CD274: variants seen among roughly 807,000 people sequenced by gnomAD.
The protein encoded by CD274 is programmed cell death 1 ligand 1.
A neutral mutation model predicts 30.1 loss-of-function variants in CD274; 8 were observed. That is an observed-to-expected ratio of 0.27 (90% CI 0.16 to 0.48). CD274 has a LOEUF of 0.48. Among genes scored for constraint, CD274 ranks in the 20% least tolerant of loss-of-function variants. The pLI is 0.99. For synonymous variants in CD274, 152 were observed against 124.6 expected, an observed-to-expected ratio of 1.22 and a Z score of -1.46; for missense variants, 353 against 346.6, an observed-to-expected ratio of 1.02 and a Z score of -0.15.
intron 4 of CD274, among the ~76,000 whole-genome samples, chr9:5,464,324 T>C (rs796789604): frequency 1.3e-5 from 2 of 152,300 alleles, no homozygotes; most frequent in African/African-American, 4.8e-5. Flanking sequence ...GGGATTTTTT[T>C]TTAAATACCT....
chr9:5,457,503 A>G, intron 3 of CD274, 83 bp downstream of exon 3: 1 of 1,094,524 alleles, frequency 9.1e-7, no homozygotes, highest in Non-Finnish European at 1.3e-6. Context: ...TTGTAAGTCC[A>G]TACTTATTTT....
rs1243212672 is a variant in CD274 at position 5,456,165 on chromosome 9, G to C, written c.52G>C (p.Ala18Pro). Residue 18 changes from alanine to proline, a missense_variant and splice_region_variant, in exon 2 of 7, where the codon GCA becomes CCA. By Grantham distance (27) the Ala-to-Pro change is conservative. Transcript: ENST00000381577. ...CATGACCTACTGGCATTTGCTGAAC[G>C]GTAAGACACCAAATCCTTCCATTAG... Reference protein sequence around the residue: ...IFMTYWHLLNAFTVTVPKDLY... With the variant: ...IFMTYWHLLNPFTVTVPKDLY... The C allele has an allele frequency of 6.3e-7, 1 of 1,591,784 alleles. No individual in the cohort carries two copies. Among genetic ancestry groups the C allele is most frequent in the Non-Finnish European group, 8.6e-7 (1 of 1,160,384 alleles).
chr9:5,467,132 G>A (rs190617552), intron 6 of CD274, among the ~76,000 whole-genome samples: 1 of 152,178 alleles, frequency 6.6e-6, no homozygotes, highest in East Asian at 1.9e-4. Flanking sequence ...TTGTGTGTCA[G>A]TATTGTAATA....
rs1819560469 is a variant in CD274 at position 5,469,820 on chromosome 9, A to G, written c.*1958A>G. 1 of 233,060 alleles carries G rather than the reference A, an allele frequency of 4.3e-6. No individual in the cohort carries two copies. Among genetic ancestry groups the G allele is most frequent in the African/African-American group, 2.2e-5 (1 of 45,448 alleles). 14.4% of individuals were successfully genotyped at this position (233,060 alleles called of 1,614,324 possible). A position where few individuals can be genotyped will look rare whatever the true frequency, so the allele number is the denominator to read the frequency against. ...GGTGCACTGAGTCAATCTAGTCCTA[A>G]AAAGCAATCTTATTATTAACTCTGT... On this transcript the variant is annotated 3_prime_UTR_variant, in exon 7 of 7. Transcript: ENST00000381577.
chr9:5,463,683 G>A (rs1819447905), intron 4 of CD274, among the ~76,000 whole-genome samples: 1 of 151,692 alleles, frequency 6.6e-6, no homozygotes, highest in Non-Finnish European at 1.5e-5. Context: ...CTAGCAGTCT[G>A]CTTAGTGCAT....
chr9:5,458,286 A>G (rs779761876), intron 3 of CD274, among the ~76,000 whole-genome samples: 1 of 152,190 alleles, frequency 6.6e-6, no homozygotes, highest in Non-Finnish European at 1.5e-5. Flanking sequence ...AAACTCCCAC[A>G]AAGAACAAAA....
chr9:5,464,565 C>T (rs1411666173), intron 4 of CD274, among the ~76,000 whole-genome samples: 1 of 152,090 alleles, frequency 6.6e-6, no homozygotes, highest in Non-Finnish European at 1.5e-5. Context: ...ATGGGACCCC[C>T]TTTCCTCCTG....
In CD274 at chr9:5,470,470, CTTAT is replaced by C. The variant is rs2131239819; in HGVS notation, c.*2615_*2618del. On this transcript the variant is annotated 3_prime_UTR_variant, in exon 7 of 7. Coordinates refer to ENST00000381577, the MANE Select transcript of CD274 (RefSeq NM_014143.4). ...ACCTGCATTAATTTAATAAAATATT[CTTAT>C]TTATTTTGTTACTTGGTACACCAGC... The C allele has an allele frequency of 4.5e-6, 1 of 221,966 alleles. No individual in the cohort carries two copies. Among genetic ancestry groups the C allele is most frequent in the South Asian group, 1.8e-4 (1 of 5,420 alleles). The allele number at this position is 221,966 out of a possible 1,614,324, so 13.7% of individuals were successfully genotyped here.
intron 5 of CD274, 118 bp downstream of exon 5, chr9:5,465,724 G>C (rs1347878128): frequency 3.2e-6 from 2 of 625,984 alleles, no homozygotes; most frequent in Non-Finnish European, 5.8e-6. Flanking sequence ...GCATTCCACT[G>C]TTCAACAGCA....
intron 5 of CD274, 32 bp downstream of exon 5, chr9:5,465,638 T>G: frequency 7.7e-7 from 1 of 1,292,776 alleles, no homozygotes; most frequent in Non-Finnish European, 1.1e-6. Flanking sequence ...TGGTCTCCAC[T>G]GGGGGTGAGG....
chr9:5,466,665 C>T (rs1397919213), intron 5 of CD274, 105 bp from the exon 6 acceptor site: 13 of 813,230 alleles, frequency 1.6e-5, no homozygotes, highest in Non-Finnish European at 2.0e-5. Context: ...ACCAGACTTC[C>T]TAGGGATTAC....
chr9:5,459,642 C>T (rs1819369636), intron 3 of CD274, among the ~76,000 whole-genome samples: 1 of 152,218 alleles, frequency 6.6e-6, no homozygotes, highest in African/African-American at 2.4e-5. Context: ...TCAATTATCA[C>T]TATCACTTCG....
intron 4 of CD274, among the ~76,000 whole-genome samples, chr9:5,464,718 G>A (rs944962358): frequency 1.3e-5 from 2 of 152,206 alleles, no homozygotes; most frequent in Admixed American, 6.5e-5. Context: ...CTCCTTAGCA[G>A]TGCTGGTTGG....
At chr9:5,456,211 T>A (rs1266481153) in intron 2 of CD274, 46 bp downstream of exon 2, 9 of 1,258,448 alleles carry the variant, frequency 7.2e-6, no homozygotes, top group Non-Finnish European at 1.0e-5. Context: ...TTAAATATTT[T>A]AACCATGAGT....
chr9:5,455,244 C>T (rs1187323063), intron 1 of CD274, among the ~76,000 whole-genome samples: 1 of 152,060 alleles, frequency 6.6e-6, no homozygotes, highest in African/African-American at 2.4e-5. Flanking sequence ...CTTTTACTCC[C>T]CTACTTCAAC....
intron 3 of CD274, among the ~76,000 whole-genome samples, chr9:5,459,533 G>A (rs1819366632): frequency 6.6e-6 from 1 of 152,182 alleles, no homozygotes; most frequent in Non-Finnish European, 1.5e-5. Context: ...CAGCAAATGT[G>A]TGGTAACATA....
chr9:5,463,540 T>A (rs1819445161), intron 4 of CD274, among the ~76,000 whole-genome samples: 1 of 152,236 alleles, frequency 6.6e-6, no homozygotes, highest in Admixed American at 6.5e-5. Context: ...ATCCAAATCC[T>A]GGCACATCAG....
rs2131233001 is a variant in CD274 at position 5,466,807 on chromosome 9, T to C, written c.828T>C (p.Asp276=). The change falls in exon 6 of 7, where the codon GAT becomes GAC. Residue 276 remains aspartate, a synonymous_variant. Transcript: ENST00000381577. ...MMDVKKCGIQ[D]TNSKKQSDTH... ...ATGTGAAAAAATGTGGCATCCAAGA[T>C]ACAAACTCAAAGAAGCAAAGTGGTA... The C allele has an allele frequency of 6.2e-7, 1 of 1,611,040 alleles. No individual in the cohort carries two copies. The highest frequency in any genetic ancestry group is 2.2e-5 in the East Asian group (1 of 44,772).
Position 5,465,332 on chromosome 9 carries a change from G to A in CD274, c.683-167G>A, listed in dbSNP as rs571248627. ...TGGGCTTCTCACACTTCTCCATGCTGTTCCCATTTTAACACAGGTATCTCG... is the reference window on the plus strand; with the variant it reads ...TGGGCTTCTCACACTTCTCCATGCTATTCCCATTTTAACACAGGTATCTCG... On this transcript the variant is annotated intron_variant, in intron 4 of 6. Coordinates refer to ENST00000381577, the MANE Select transcript of CD274 (RefSeq NM_014143.4). Among the ~76,000 whole-genome samples, 3 of 152,162 alleles carry A rather than the reference G, an allele frequency of 2.0e-5. No homozygotes were observed. In the East Asian group the frequency reaches 5.8e-4, roughly 29 times the overall value.
Sources: allele counts gnomAD v4.1 joint callset (sites outside exome capture counted in the v4.1 genomes callset), GRCh38; gene constraint gnomAD v4.1.1; transcripts MANE v1.5; gene names NCBI Gene and HGNC (gene_info 2026-07-23, HGNC 2026-07-21).